Variants in NELL1 observed in about 807,000 individuals in gnomAD.
The protein encoded by NELL1 is protein kinase C-binding protein NELL1.
NELL1 carries 76 observed loss-of-function variants against 107.4 expected under a neutral mutation model. The ratio of observed to expected loss-of-function variants is 0.71; its 90% CI spans 0.59 to 0.86. NELL1 has a LOEUF of 0.86. Ranked by LOEUF, NELL1 falls within the 40% of genes least tolerant of loss-of-function variation. The pLI is 0.00. For synonymous variants in NELL1, 353 were observed against 341.2 expected, an observed-to-expected ratio of 1.03 and a Z score of -0.38; for missense variants, 1,024 against 1,005.5, an observed-to-expected ratio of 1.02 and a Z score of -0.25.
chr11:20,728,489 T>C (rs1855558484), intron 2 of NELL1, among the ~76,000 whole-genome samples: 1 of 152,146 alleles, frequency 6.6e-6, no homozygotes, highest in African/African-American at 2.4e-5. Context: ...TTTTTGTAAA[T>C]AGTGAAAGGT....
At chr11:20,784,169 A>T (rs537457034) in intron 3 of NELL1, among the ~76,000 whole-genome samples, 1 of 152,368 alleles carries the variant, frequency 6.6e-6, no homozygotes, top group Admixed American at 6.5e-5. Context: ...TGTGGGGATT[A>T]TACTTGACAC....
At chr11:20,883,964 G>T (rs1242105257) in intron 4 of NELL1, among the ~76,000 whole-genome samples, 1 of 152,172 alleles carries the variant, frequency 6.6e-6, no homozygotes, top group Non-Finnish European at 1.5e-5. Context: ...TACAAAAAAG[G>T]TTAGATTCCT....
intron 12 of NELL1, among the ~76,000 whole-genome samples, chr11:21,033,865 A>G (rs1388183581): frequency 1.3e-5 from 2 of 152,112 alleles, no homozygotes; most frequent in Non-Finnish European, 2.9e-5. Flanking sequence ...AACCCTGTAT[A>G]AGCATTCCTT....
chr11:20,854,968 G>C (rs937776772), intron 4 of NELL1, among the ~76,000 whole-genome samples: 2 of 152,212 alleles, frequency 1.3e-5, no homozygotes, highest in African/African-American at 4.8e-5. Context: ...AGGCAAAATA[G>C]AGAGTGTCTG....
intron 12 of NELL1, among the ~76,000 whole-genome samples, chr11:20,989,272 G>A (rs1851920475): frequency 6.6e-6 from 1 of 152,188 alleles, no homozygotes; most frequent in African/African-American, 2.4e-5. Flanking sequence ...TTCTATCCCA[G>A]CAGTTTGTTT....
chr11:20,899,821 C>G (rs753070132), intron 5 of NELL1, among the ~76,000 whole-genome samples: 1 of 152,066 alleles, frequency 6.6e-6, no homozygotes, highest in African/African-American at 2.4e-5. Flanking sequence ...TTGTTAACAA[C>G]TTTATGCCAA....
intron 14 of NELL1, among the ~76,000 whole-genome samples, chr11:21,255,158 C>T (rs566557591): frequency 6.6e-6 from 1 of 152,028 alleles, no homozygotes; most frequent in East Asian, 1.9e-4. Flanking sequence ...AAGAACTATT[C>T]GGGTGACAAC....
At chr11:20,959,562 C>T (rs754423369) in intron 11 of NELL1, among the ~76,000 whole-genome samples, 1 of 152,104 alleles carries the variant, frequency 6.6e-6, no homozygotes, top group Non-Finnish European at 1.5e-5. Flanking sequence ...TGAAGTAACC[C>T]AGGAATAGAA....
intron 2 of NELL1, among the ~76,000 whole-genome samples, chr11:20,778,139 G>A (rs761837768): frequency 1.3e-5 from 2 of 152,186 alleles, no homozygotes; most frequent in African/African-American, 4.8e-5. Flanking sequence ...GCTTATTCAT[G>A]TTTTTAGAGT....
intron 12 of NELL1, among the ~76,000 whole-genome samples, chr11:21,043,114 A>G (rs1002884675): frequency 3.3e-5 from 5 of 152,170 alleles, no homozygotes; most frequent in Non-Finnish European, 7.3e-5. Flanking sequence ...CTGAAGATGG[A>G]TGCAAGAAAA....
At chr11:21,284,272 C>T (rs922474358) in intron 14 of NELL1, 5 of 456,992 alleles carry the variant, frequency 1.1e-5, no homozygotes, top group African/African-American at 1.0e-4. Context: ...AAGATGTAGA[C>T]ATCCTAGTTG....
At chr11:21,530,168 C>G (rs1464597615) in intron 15 of NELL1, among the ~76,000 whole-genome samples, 1 of 152,122 alleles carries the variant, frequency 6.6e-6, no homozygotes, top group African/African-American at 2.4e-5. Context: ...TTTCTCATGA[C>G]TCAATATCAC....
intron 12 of NELL1, among the ~76,000 whole-genome samples, chr11:21,065,052 TTGATTATGTC>T (rs1235149371): frequency 2.0e-5 from 3 of 152,214 alleles, no homozygotes; most frequent in African/African-American, 7.2e-5. Flanking sequence ...CATCTTAATA[TTGATTATGTC>T]TGATTATGTC....
intron 2 of NELL1, among the ~76,000 whole-genome samples, chr11:20,688,602 C>T (rs1201504790): frequency 2.0e-5 from 3 of 152,040 alleles, no homozygotes; most frequent in Admixed American, 1.3e-4. Context: ...TTGGTATATA[C>T]ATATATACCA....
chr11:21,114,610 G>A (rs1855188259), intron 13 of NELL1, among the ~76,000 whole-genome samples: 2 of 151,722 alleles, frequency 1.3e-5, no homozygotes, highest in African/African-American at 4.8e-5. Context: ...AAAGTTAAGG[G>A]CACATGTTAG....
Position 21,101,285 on chromosome 11 carries a change from A to G in NELL1, c.1301-12304A>G, listed in dbSNP as rs529722840. 3.2e-4 allele frequency among the ~76,000 whole-genome samples: 49 copies of G among 152,282 alleles called. 1 individual carries two copies. Among genetic ancestry groups the G allele is most frequent in the Non-Finnish European group, 6.5e-4 (44 of 68,022 alleles). ...CCAGGTCTTTGCTATTGTGAATAGT[A>G]CCGCAATAAACATATGTGTGCATGT... On this transcript the variant is annotated intron_variant, in intron 12 of 19. Coordinates refer to ENST00000357134, the MANE Select transcript of NELL1 (RefSeq NM_006157.5).
At chr11:20,829,890 T>C (rs945642879) in intron 3 of NELL1, among the ~76,000 whole-genome samples, 2 of 152,190 alleles carry the variant, frequency 1.3e-5, no homozygotes, top group Non-Finnish European at 2.9e-5. Context: ...ACTGATGATA[T>C]TATCCTTGAT....
chr11:21,405,204 TTGC>T (rs67391994), intron 15 of NELL1, among the ~76,000 whole-genome samples: 151,454 of 152,040 alleles, frequency 1, 75,437 homozygotes, highest in East Asian at 1. Context: ...CTAGGTTTTG[TTGC>T]TGCTCCTTGG....
rs578165301 is a variant in NELL1, at chr11:21,174,624, A to T, written c.1427-54708A>T. On this transcript the variant is annotated intron_variant, in intron 13 of 19. Coordinates refer to ENST00000357134, the MANE Select transcript of NELL1 (RefSeq NM_006157.5). The stretch of plus-strand genomic sequence containing the variant: ...ATGGAAGGACATGTGGGAGTATGGG[A>T]CATTGTGAAGGAGGGAAGGAGGAGG... 5.9e-5 allele frequency among the ~76,000 whole-genome samples: 9 copies of T among 151,846 alleles called. No homozygotes were observed. In the South Asian group the frequency reaches 1.9e-3, roughly 31 times the overall value.
Sources: gnomAD v4.1 joint callset for allele counts (sites outside exome capture counted in the v4.1 genomes callset) on GRCh38, gnomAD v4.1.1 for gene constraint, MANE v1.5 for transcripts, NCBI Gene and HGNC (gene_info 2026-07-23, HGNC 2026-07-21) for gene names.